The following ZNF236 variants were observed in gnomAD, a reference collection of about 807,000 sequenced individuals.
ZNF236 encodes regulated by glucose.
ZNF236 carries 50 observed loss-of-function variants against 191.2 expected under a neutral mutation model. The observed-to-expected ratio is 0.26, with a 90% confidence interval of 0.21 to 0.33. The LOEUF is 0.33. ZNF236 is among the 10% of genes least tolerant of loss of function. The pLI, the probability that ZNF236 is intolerant of heterozygous loss-of-function variation, is 1.00. For missense variants in ZNF236, 1,754 were observed against 2,374.5 expected, an observed-to-expected ratio of 0.74 and a Z score of 5.43; for synonymous variants, 907 against 928.8, an observed-to-expected ratio of 0.98 and a Z score of 0.43.
intron 7 of ZNF236, 127 bp from the exon 8 acceptor site, chr18:76,879,986 T>G: frequency 1.2e-6 from 1 of 842,266 alleles, no homozygotes; most frequent in Non-Finnish European, 1.8e-6. Flanking sequence ...ATTTAAAATT[T>G]ATGTTTAGGA....
At position 76,961,373 on chromosome 18, in the gene ZNF236, G is replaced by GTA. The variant is rs1307140811; in HGVS notation, c.5419+519_5419+520insAT. ...ATGGCTGAGTAGTATTCCATTGTGT[G>GTA]TGTGTGTGTGTGTGTGTGTGTGTGT... is the stretch of plus-strand genomic sequence containing the variant. On this transcript the variant is annotated intron_variant, in intron 30 of 30. Transcript: ENST00000320610. 2.1e-4 allele frequency among the ~76,000 whole-genome samples: 5 copies of GTA among 23,798 alleles called. No homozygotes were observed. The East Asian group carries it at 0.027, about 129-fold the overall frequency. The allele number at this position is 23,798 out of a possible 152,430, so 15.6% of individuals were successfully genotyped here.
chr18:76,880,035 TG>T lies in ZNF236; in HGVS notation c.985-77del. The stretch of plus-strand genomic sequence containing the variant: ...TAACACCCTTAAGGAGGGTATTGCC[TG>T]TTTTTTTTTTTTTAATTTTCCTTTT... On this transcript the variant is annotated intron_variant, in intron 7 of 30. Coordinates refer to ENST00000320610, the MANE Select transcript of ZNF236 (RefSeq NM_001306089.2). This position sits in a 1 kb window ranked among gnomAD's most constrained non-coding sequence, Gnocchi z 5.0. The T allele has an allele frequency of 1.3e-6, 1 of 776,128 alleles. No individual in the cohort carries two copies. The highest frequency in any genetic ancestry group is 1.9e-6 in the Non-Finnish European group (1 of 522,406). The allele number at this position is 776,128 out of a possible 1,614,324, so 48.1% of individuals were successfully genotyped here.
intron 10 of ZNF236, among the ~76,000 whole-genome samples, chr18:76,896,523 G>A (rs1977418792): frequency 6.6e-6 from 1 of 152,060 alleles, no homozygotes. Context: ...CTGCCCACAG[G>A]GACCACACAC....
intron 30 of ZNF236, among the ~76,000 whole-genome samples, chr18:76,963,187 A>G (rs575782848): frequency 9.2e-5 from 14 of 152,282 alleles, no homozygotes; most frequent in South Asian, 4.1e-4. Flanking sequence ...ACTTTTCATC[A>G]TTCGATATTA....
At chr18:76,879,392 C>T (rs999009826) in intron 7 of ZNF236, among the ~76,000 whole-genome samples, 2 of 152,118 alleles carry the variant, frequency 1.3e-5, no homozygotes, top group East Asian at 1.9e-4. Context: ...CATGGTGCAT[C>T]GGTCGGGTAC....
chr18:76,929,868 C>G (rs1967800915), intron 25 of ZNF236, among the ~76,000 whole-genome samples: 1 of 152,002 alleles, frequency 6.6e-6, no homozygotes, highest in African/African-American at 2.4e-5. Context: ...TTCTTTTTTC[C>G]ATTAACACAT....
chr18:76,944,936 C>A (rs955956193), intron 26 of ZNF236, among the ~76,000 whole-genome samples: 2 of 152,134 alleles, frequency 1.3e-5, no homozygotes, highest in African/African-American at 4.8e-5. Context: ...AGAGATTCCA[C>A]ATACACTTAC....
chr18:76,892,619 G>C (rs909470006), intron 9 of ZNF236, among the ~76,000 whole-genome samples: 1 of 152,148 alleles, frequency 6.6e-6, no homozygotes, highest in African/African-American at 2.4e-5. Context: ...CCAGGCTGGA[G>C]TGCAATGGTG....
At chr18:76,858,438 G>A (rs750925762) in intron 3 of ZNF236, among the ~76,000 whole-genome samples, 1 of 152,188 alleles carries the variant, frequency 6.6e-6, no homozygotes, top group Non-Finnish European at 1.5e-5. Context: ...ACTTCAGGAT[G>A]TAGCCCCTAA....
At chr18:76,917,856 G>A (rs1167348302) in intron 19 of ZNF236, among the ~76,000 whole-genome samples, 2 of 152,072 alleles carry the variant, frequency 1.3e-5, no homozygotes, top group African/African-American at 2.4e-5. Context: ...TCAGTTTGCT[G>A]TATCTTTTTC....
chr18:76,934,293 A>G (rs939063546), intron 25 of ZNF236, among the ~76,000 whole-genome samples: 8 of 152,240 alleles, frequency 5.3e-5, no homozygotes, highest in Non-Finnish European at 1.2e-4. Context: ...GTTGAAGACT[A>G]TTTCAGAGTT....
At chr18:76,843,135 A>C (rs1180642220) in intron 1 of ZNF236, among the ~76,000 whole-genome samples, 2 of 152,202 alleles carry the variant, frequency 1.3e-5, no homozygotes, top group Non-Finnish European at 2.9e-5. Context: ...AAGAATAGTC[A>C]AAGGGTACTT....
At chr18:76,825,755 A>G (rs1232859334) in intron 1 of ZNF236, among the ~76,000 whole-genome samples, 2 of 150,968 alleles carry the variant, frequency 1.3e-5, no homozygotes, top group Admixed American at 6.7e-5. Flanking sequence ...ATAAACTAGA[A>G]GGCTTCTAGG....
At chr18:76,896,391 GAACACAGTACCA>G (rs1977411912) in intron 10 of ZNF236, among the ~76,000 whole-genome samples, 1 of 146,930 alleles carries the variant, frequency 6.8e-6, no homozygotes, top group African/African-American at 2.5e-5. Flanking sequence ...ACTCAGTATC[GAACACAGTACCA>G]AACACAGTAC....
rs1976488301 is a variant in ZNF236, at chr18:76,868,580, A to G, written c.364-105A>G. The G allele has an allele frequency of 3.3e-6, 3 of 905,156 alleles. No individual in the cohort carries two copies. In the South Asian group the frequency reaches 6.5e-5, roughly 20 times the overall value. 56.1% of individuals were successfully genotyped at this position (905,156 alleles called of 1,614,324 possible). ...GATCAAAATCAAGATTAGAGAGACCAAGTAGTTTTCATTTAATTTGTGTAT... is the reference window on the plus strand; with the variant it reads ...GATCAAAATCAAGATTAGAGAGACCGAGTAGTTTTCATTTAATTTGTGTAT... On this transcript the variant is annotated intron_variant, in intron 3 of 30. Coordinates refer to ENST00000320610, the MANE Select transcript of ZNF236 (RefSeq NM_001306089.2).
rs1967415286 is a variant in ZNF236 at position 76,917,860 on chromosome 18, C to CT, written c.3275-1911dup. 3.9e-5 allele frequency among the ~76,000 whole-genome samples: 6 copies of CT among 152,230 alleles called. No homozygotes were observed. The South Asian group carries it at 1.2e-3, about 32-fold the overall frequency. ...AATGCGGACTTTCAGTTTGCTGTAT[C>CT]TTTTTCTGGAATTTCTACGAGATGG... On this transcript the variant is annotated intron_variant, in intron 19 of 30. Transcript: ENST00000320610.
intron 1 of ZNF236, among the ~76,000 whole-genome samples, chr18:76,842,119 A>T (rs745310042): frequency 2.8e-4 from 43 of 152,176 alleles, no homozygotes; most frequent in Non-Finnish European, 5.4e-4. Context: ...TGGTTTAATT[A>T]TGTGATTTTT....
intron 1 of ZNF236, among the ~76,000 whole-genome samples, chr18:76,823,922 A>T (rs556978352): frequency 1.7e-4 from 26 of 152,194 alleles, no homozygotes; most frequent in African/African-American, 6.0e-4. Context: ...GGTCCTGGTC[A>T]CCCGTGCAAC....
chr18:76,912,180 C>T, intron 16 of ZNF236, 64 bp from the exon 17 acceptor site: 1 of 1,240,072 alleles, frequency 8.1e-7, no homozygotes, highest in Non-Finnish European at 1.2e-6. Flanking sequence ...CTTAGCTGCT[C>T]AGTTGTTTTA....
Sources: allele counts gnomAD v4.1 joint callset (sites outside exome capture counted in the v4.1 genomes callset), GRCh38; gene constraint gnomAD v4.1.1; non-coding constraint Gnocchi (gnomAD v3.1); transcripts MANE v1.5; gene names NCBI Gene and HGNC (gene_info 2026-07-23, HGNC 2026-07-21).